Variants in TRIM55 observed in about 807,000 individuals in gnomAD.
TRIM55 encodes the protein tripartite motif-containing protein 55.
TRIM55 carries 50 observed loss-of-function variants against 60.9 expected under a neutral mutation model. That is an observed-to-expected ratio of 0.82 (90% CI 0.65 to 1.04). TRIM55 has a LOEUF of 1.04. Ranked by LOEUF, TRIM55 falls within the 50% of genes least tolerant of loss-of-function variation. TRIM55 has a pLI of 0.00. For missense variants in TRIM55, 681 were observed against 666.9 expected (o/e 1.02, Z -0.23); for synonymous variants, 237 against 238.1 (o/e 1.00, Z 0.04).
intron 9 of TRIM55, among the ~76,000 whole-genome samples, chr8:66,170,055 C>T (rs1811538417): frequency 6.6e-6 from 1 of 151,852 alleles, no homozygotes; most frequent in Non-Finnish European, 1.5e-5. Flanking sequence ...GGCCAGGTAA[C>T]AGAAAAAAAT....
intron 9 of TRIM55, among the ~76,000 whole-genome samples, chr8:66,167,843 A>G (rs1164143197): frequency 6.6e-6 from 1 of 152,116 alleles, no homozygotes; most frequent in African/African-American, 2.4e-5. Flanking sequence ...TGAACTCCTG[A>G]GTTCAGATGA....
At chr8:66,159,411 A>G (rs11995591) in intron 9 of TRIM55, among the ~76,000 whole-genome samples, 3,779 of 152,286 alleles carry the variant, frequency 0.025, 160 homozygotes, top group African/African-American at 0.081. Context: ...TTGTGTGGGT[A>G]TGCCACTAGT....
intron 4 of TRIM55, among the ~76,000 whole-genome samples, chr8:66,142,226 C>T (rs1453334007): frequency 2.0e-5 from 3 of 152,196 alleles, no homozygotes; most frequent in Non-Finnish European, 4.4e-5. Flanking sequence ...CCAATAGGAA[C>T]CTCTAGAGAT....
chr8:66,166,341 T>C (rs1811329416), intron 9 of TRIM55, among the ~76,000 whole-genome samples: 1 of 152,228 alleles, frequency 6.6e-6, no homozygotes, highest in South Asian at 2.1e-4. Flanking sequence ...AGAGCTCTCT[T>C]GGGGAGCTGT....
chr8:66,135,292 A>G (rs1306023716), intron 3 of TRIM55, 137 bp downstream of exon 3: 24 of 854,038 alleles, frequency 2.8e-5, no homozygotes, highest in Admixed American at 4.9e-5. Flanking sequence ...ACTGGAGGGC[A>G]CACAAGGTCT....
At chr8:66,127,533 A>G in intron 1 of TRIM55, 97 bp downstream of exon 1, 1 of 1,455,234 alleles carries the variant, frequency 6.9e-7, no homozygotes, top group South Asian at 1.3e-5. Flanking sequence ...CCTTTAAAAA[A>G]CTTTATAAGG....
At position 66,154,067 on chromosome 8, in the gene TRIM55, C is replaced by A; in HGVS notation, c.1257C>A (p.Gly419=). Residue 419 remains glycine, a synonymous_variant, in exon 9 of 10, where the codon GGC becomes GGA. Coordinates refer to ENST00000315962, the MANE Select transcript of TRIM55 (RefSeq NM_184085.2). Reference sequence around the variant, plus strand: ...TTAAGGGGGAGGTTGTACCCACTGGCTCTGAGCAGACCACAGAGTCTGAAA... The same window carrying A: ...TTAAGGGGGAGGTTGTACCCACTGGATCTGAGCAGACCACAGAGTCTGAAA... ...PVTQGEVVPT[G]SEQTTESETP... 6.2e-7 allele frequency: 1 copy of A among 1,613,802 alleles called. No individual in the cohort carries two copies. The highest frequency in any genetic ancestry group is 8.5e-7 in the Non-Finnish European group (1 of 1,179,920).
At chr8:66,127,805 G>A (rs988834847) in intron 1 of TRIM55, among the ~76,000 whole-genome samples, 1 of 152,022 alleles carries the variant, frequency 6.6e-6, no homozygotes, top group African/African-American at 2.4e-5. Flanking sequence ...ATTGCCCTCC[G>A]GCCTGGGCAA....
intron 4 of TRIM55, among the ~76,000 whole-genome samples, chr8:66,143,916 A>C (rs1181905553): frequency 1.3e-5 from 2 of 152,240 alleles, no homozygotes; most frequent in Non-Finnish European, 2.9e-5. Context: ...CTGAGAGAAA[A>C]GTGAACCAAT....
intron 4 of TRIM55, among the ~76,000 whole-genome samples, chr8:66,141,412 G>A (rs2128976956): frequency 6.6e-6 from 1 of 152,292 alleles, no homozygotes; most frequent in Admixed American, 6.5e-5. Context: ...TGTTCCATGA[G>A]CCCAGCATGA....
At chr8:66,150,637 G>C (rs76955670) in intron 7 of TRIM55, among the ~76,000 whole-genome samples, 171 bp downstream of exon 7, 3,564 of 150,926 alleles carry the variant, frequency 0.024, 145 homozygotes, top group African/African-American at 0.081. Context: ...CACATCGTTT[G>C]TTGACAGTGT....
the TRIM55 span, among the ~76,000 whole-genome samples, chr8:66,114,158 A>G: frequency 0.27 from 38,843 of 145,644 alleles, 8,526 homozygotes; most frequent in African/African-American, 0.61. Context: ...CCCTTCTCTA[A>G]AGGAACAGAT....
upstream of TRIM55, among the ~76,000 whole-genome samples, chr8:66,122,876 G>A (rs1808686068): frequency 6.6e-6 from 1 of 152,074 alleles, no homozygotes; most frequent in South Asian, 2.1e-4. Context: ...CAGATAGCAG[G>A]CCCTGAAAGA....
At chr8:66,145,964 G>C (rs552376592) in intron 4 of TRIM55, among the ~76,000 whole-genome samples, 1 of 152,152 alleles carries the variant, frequency 6.6e-6, no homozygotes, top group Admixed American at 6.5e-5. Context: ...ATAAATGGTC[G>C]GATGGCCTTG....
rs781484873 is a variant in TRIM55, at chr8:66,152,592, GC to G, written c.1204del (p.Leu402CysfsTer9). 6.2e-6 allele frequency: 10 copies of G among 1,613,972 alleles called. No individual in the cohort carries two copies. The highest frequency in any genetic ancestry group is 7.6e-6 in the Non-Finnish European group (9 of 1,180,014). On this transcript the variant is annotated frameshift_variant, in exon 8 of 10. Coordinates refer to ENST00000315962, the MANE Select transcript of TRIM55 (RefSeq NM_184085.2). LOFTEE classifies it high-confidence loss of function. ...AGTTTCCTCTCCAGAGCCACCTCCAGCCCTGCCACCTGCTGCGGATGCCCCT... is the reference window on the plus strand; with the variant it reads ...AGTTTCCTCTCCAGAGCCACCTCCAGCCTGCCACCTGCTGCGGATGCCCCT... ...LPVSSPEPPPALPPAADAPVT... is the reference protein window; with the variant it reads ...LPVSSPEPPPXLPPAADAPVT...
intron 9 of TRIM55, among the ~76,000 whole-genome samples, chr8:66,164,861 A>C (rs999879539): frequency 1.6e-4 from 25 of 152,162 alleles, no homozygotes; most frequent in Non-Finnish European, 3.4e-4. Context: ...GGAAAATAAA[A>C]AACATTACAT....
intron 9 of TRIM55, among the ~76,000 whole-genome samples, chr8:66,164,813 T>G (rs565052432): frequency 6.6e-6 from 1 of 152,102 alleles, no homozygotes; most frequent in African/African-American, 2.4e-5. Context: ...CCAGGCTCTG[T>G]GATAGTTGTT....
At chr8:66,116,684 A>G in the TRIM55 span, among the ~76,000 whole-genome samples, 1 of 70,214 alleles carries the variant, frequency 1.4e-5, no homozygotes, top group Non-Finnish European at 2.3e-5. Flanking sequence ...ATCTCTCATA[A>G]AGAGAACACC....
intron 4 of TRIM55, among the ~76,000 whole-genome samples, chr8:66,139,116 CT>C (rs1310696017): frequency 1.4e-4 from 22 of 152,162 alleles, no homozygotes; most frequent in Admixed American, 6.5e-4. Flanking sequence ...ACAGTACAAA[CT>C]TTTTTCTTTG....
Sources: gnomAD v4.1 joint callset for allele counts (sites outside exome capture counted in the v4.1 genomes callset) on GRCh38, gnomAD v4.1.1 for gene constraint, MANE v1.5 for transcripts, NCBI Gene and HGNC (gene_info 2026-07-23, HGNC 2026-07-21) for gene names.